The following GLT1D1 variants were observed in gnomAD, a reference collection of about 807,000 sequenced individuals.
GLT1D1 encodes the protein glycosyltransferase 1 domain-containing protein 1.
In GLT1D1, 21 loss-of-function variants were observed where a neutral mutation model predicts 28.7. That is an observed-to-expected ratio of 0.73 (90% CI 0.52 to 1.05). GLT1D1 has a LOEUF of 1.05. GLT1D1 is among the 50% of genes least tolerant of loss of function. GLT1D1 has a pLI of 0.00. For synonymous variants in GLT1D1, 147 were observed against 124.8 expected, an observed-to-expected ratio of 1.18 and a Z score of -1.19; for missense variants, 343 against 330.6, an observed-to-expected ratio of 1.04 and a Z score of -0.29.
intron 4 of GLT1D1, among the ~76,000 whole-genome samples, chr12:128,935,122 C>T (rs959241215): frequency 2.0e-5 from 3 of 152,182 alleles, no homozygotes; most frequent in Non-Finnish European, 1.5e-5. Context: ...AGGCGGGGTG[C>T]GGGCTGTGTG....
intron 1 of GLT1D1, among the ~76,000 whole-genome samples, chr12:128,862,337 A>G (rs531850936): frequency 4.0e-5 from 6 of 151,228 alleles, no homozygotes; most frequent in Admixed American, 3.3e-4. Flanking sequence ...TCAAAAAAAA[A>G]AAAAAAAAAA....
rs541969495 is a variant in GLT1D1 at position 128,929,984 on chromosome 12, C to A, written c.376-15342C>A. The stretch of plus-strand genomic sequence containing the variant: ...GAGCAAGATTCTGTTTCAAAACAAA[C>A]AAACAAATAAAAACATCAAGGGCTA... On this transcript the variant is annotated intron_variant, in intron 4 of 7. Transcript: ENST00000281703. Among the ~76,000 whole-genome samples, 525 of 152,176 alleles carry A rather than the reference C, an allele frequency of 3.4e-3. 2 individuals are homozygous for A. The highest frequency in any genetic ancestry group is 5.8e-3 in the Non-Finnish European group (391 of 67,996).
At chr12:128,922,489 G>C (rs76204290) in intron 4 of GLT1D1, among the ~76,000 whole-genome samples, 2,977 of 152,190 alleles carry the variant, frequency 0.02, 97 homozygotes, top group African/African-American at 0.069. Context: ...CTTGACTCTT[G>C]ACCTCATATT....
chr12:128,877,966 C>T lies in GLT1D1; in HGVS notation c.217+1904C>T, dbSNP rs141685557. On this transcript the variant is annotated intron_variant, in intron 2 of 7. Transcript: ENST00000281703. ...CAGTTCCTTACCACATGGTCCTCTC[C>T]ATGGCCCTCTTGAGTGTCCTCACGA... is the stretch of plus-strand genomic sequence containing the variant. Among the ~76,000 whole-genome samples the T allele has an allele frequency of 4.1e-3, 627 of 152,336 alleles. 9 individuals carry two copies. Among genetic ancestry groups the T allele is most frequent in the African/African-American group, 0.014 (603 of 41,588 alleles).
intron 4 of GLT1D1, among the ~76,000 whole-genome samples, chr12:128,939,602 A>G (rs935710315): frequency 3.9e-5 from 6 of 152,116 alleles, no homozygotes; most frequent in African/African-American, 1.4e-4. Context: ...GAGAATTTAT[A>G]AAGAAAACAG....
chr12:128,913,218 CA>C (rs1871727716), intron 4 of GLT1D1, among the ~76,000 whole-genome samples: 2 of 151,772 alleles, frequency 1.3e-5, no homozygotes, highest in African/African-American at 2.4e-5. Flanking sequence ...GGTTTAAACA[CA>C]GTTTTTTGTT....
At chr12:128,896,309 G>A (rs1382369178) in intron 3 of GLT1D1, among the ~76,000 whole-genome samples, 2 of 152,096 alleles carry the variant, frequency 1.3e-5, no homozygotes, top group Admixed American at 6.6e-5. Context: ...AGTCTTGAAA[G>A]ATTGTAAGTC....
At chr12:128,910,288 T>C (rs11060011) in intron 4 of GLT1D1, among the ~76,000 whole-genome samples, 2 of 130,758 alleles carry the variant, frequency 1.5e-5, no homozygotes, top group Middle Eastern at 8.4e-3. Context: ...TTTTTTTTGG[T>C]GGAAAAAGGA....
intron 1 of GLT1D1, among the ~76,000 whole-genome samples, chr12:128,867,265 T>C (rs1193447942): frequency 6.6e-6 from 1 of 151,446 alleles, no homozygotes; most frequent in Non-Finnish European, 1.5e-5. Context: ...TGGTGGCGAA[T>C]GCCTGTAATC....
chr12:128,963,613 T>C (rs1401197249), intron 7 of GLT1D1, among the ~76,000 whole-genome samples: 1 of 152,186 alleles, frequency 6.6e-6, no homozygotes. Context: ...GCCATTGCAC[T>C]CCAGCCTGGG....
intron 7 of GLT1D1, among the ~76,000 whole-genome samples, chr12:128,965,592 C>T (rs958747189): frequency 6.6e-6 from 1 of 151,738 alleles, no homozygotes; most frequent in African/African-American, 2.4e-5. Context: ...GTCCCAGAGG[C>T]TGGGCATGGT....
At chr12:128,961,797 T>G (rs957646784) in intron 7 of GLT1D1, among the ~76,000 whole-genome samples, 2 of 152,190 alleles carry the variant, frequency 1.3e-5, no homozygotes, top group Non-Finnish European at 2.9e-5. Context: ...CACCCAGAGA[T>G]AAGGCGTCAC....
rs187041697 is a variant in GLT1D1 at position 128,943,534 on chromosome 12, C to A, written c.376-1792C>A. 1.5e-3 allele frequency among the ~76,000 whole-genome samples: 234 copies of A among 152,294 alleles called. 3 individuals are homozygous for A. Among genetic ancestry groups the A allele is most frequent in the Non-Finnish European group, 2.8e-3 (193 of 68,030 alleles). ...GTTGAAAATTCATTCAACTTCGGTG[C>A]TTGTCCAAGAACTTATAATGTTAAT... On this transcript the variant is annotated intron_variant, in intron 4 of 7. Coordinates refer to ENST00000281703, the MANE Select transcript of GLT1D1 (RefSeq NM_144669.3).
At chr12:128,902,428 T>G (rs1870380380) in intron 4 of GLT1D1, among the ~76,000 whole-genome samples, 1 of 147,972 alleles carries the variant, frequency 6.8e-6, no homozygotes. Flanking sequence ...GAGGTTGCAG[T>G]GAGCCGAGAT....
intron 1 of GLT1D1, among the ~76,000 whole-genome samples, chr12:128,863,781 TA>T (rs1202665964): frequency 6.6e-6 from 1 of 151,532 alleles, no homozygotes; most frequent in East Asian, 1.9e-4. Flanking sequence ...CCGTCTCTAC[TA>T]AAAATACAAA....
At chr12:128,924,919 C>A (rs1173452650) in intron 4 of GLT1D1, among the ~76,000 whole-genome samples, 1 of 152,162 alleles carries the variant, frequency 6.6e-6, no homozygotes, top group Non-Finnish European at 1.5e-5. Context: ...GTGATCTGTT[C>A]CACTTCAGAT....
chr12:128,920,276 G>A (rs1170355395), intron 4 of GLT1D1, among the ~76,000 whole-genome samples: 2 of 152,150 alleles, frequency 1.3e-5, no homozygotes, highest in African/African-American at 4.8e-5. Context: ...TCCTGGCGCA[G>A]TGGCTCACGC....
At chr12:128,904,290 T>A (rs1450634674) in intron 4 of GLT1D1, among the ~76,000 whole-genome samples, 4 of 151,852 alleles carry the variant, frequency 2.6e-5, no homozygotes, top group East Asian at 1.9e-4. Context: ...AGACTTTTTT[T>A]AAAAAACATA....
At chr12:128,859,288 G>A (rs11059978) in intron 1 of GLT1D1, among the ~76,000 whole-genome samples, 88 of 152,312 alleles carry the variant, frequency 5.8e-4, no homozygotes, top group African/African-American at 1.9e-3. Flanking sequence ...TAGGCAGAGC[G>A]TCAACCAATG....
Sources: allele counts gnomAD v4.1 joint callset (sites outside exome capture counted in the v4.1 genomes callset), GRCh38; gene constraint gnomAD v4.1.1; transcripts MANE v1.5; gene names NCBI Gene and HGNC (gene_info 2026-07-23, HGNC 2026-07-21).